ITPRIP: variants seen among roughly 807,000 people sequenced by gnomAD.
ITPRIP encodes inositol 1,4,5-trisphosphate receptor interacting protein.
A neutral mutation model predicts 35.8 loss-of-function variants in ITPRIP; 32 were observed. The ratio of observed to expected loss-of-function variants is 0.89; its 90% confidence interval spans 0.68 to 1.20. ITPRIP has a LOEUF of 1.20. ITPRIP is among the 50% of genes most tolerant of loss of function. The pLI is 0.00. For missense variants in ITPRIP, 653 were observed against 735.6 expected, an observed-to-expected ratio of 0.89 and a Z score of 1.30; for synonymous variants, 358 against 324.0, an observed-to-expected ratio of 1.11 and a Z score of -1.13.
Position 104,310,520 on chromosome 10 carries a change from T to G in ITPRIP, c.*3888A>C, listed in dbSNP as rs1400844736. ...TGCCAACATGTACACCAGGACTGCC[T>G]GGGTTGGAATCTGGGCTGTGCTACT... On this transcript the variant is annotated 3_prime_UTR_variant, in exon 2 of 2. Transcript: ENST00000337478. 1.3e-5 allele frequency: 2 copies of G among 152,144 alleles called. No individual in the cohort carries two copies. The highest frequency in any genetic ancestry group is 2.4e-5 in the African/African-American group (1 of 41,398). 9.4% of individuals were successfully genotyped at this position (152,144 alleles called of 1,614,324 possible).
In ITPRIP at chr10:104,314,791, G is replaced by A. The variant is rs199982388; in HGVS notation, c.1261C>T (p.Arg421Cys). Reference protein sequence around the residue: ...IASFLLSKQSRLTGPSGLSSY... With the variant: ...IASFLLSKQSCLTGPSGLSSY... ...CTGAGCCCGCTGGGACCGGTCAGGCGGCTCTGCTTGGAGAGCAGGAAGGAT... is the reference window on the plus strand; with the variant it reads ...CTGAGCCCGCTGGGACCGGTCAGGCAGCTCTGCTTGGAGAGCAGGAAGGAT... Residue 421 changes from arginine to cysteine, a missense_variant, in exon 2 of 2, where the codon CGC (arginine) becomes TGC (cysteine). By Grantham distance (180) the Arg-to-Cys change is radical. Coordinates refer to ENST00000337478, the MANE Select transcript of ITPRIP (RefSeq NM_001272013.2). The A allele has an allele frequency of 2.4e-5, 39 of 1,613,910 alleles. No homozygotes were observed. The highest frequency in any genetic ancestry group is 4.5e-5 in the East Asian group (2 of 44,872).
At position 104,314,366 on chromosome 10, in the gene ITPRIP, G is replaced by T; in HGVS notation, c.*42C>A. 6.4e-7 allele frequency: 1 copy of T among 1,567,706 alleles called. No individual in the cohort carries two copies. Among genetic ancestry groups the T allele is most frequent in the African/African-American group, 1.4e-5 (1 of 74,034 alleles). On this transcript the variant is annotated 3_prime_UTR_variant, in exon 2 of 2. Coordinates refer to ENST00000337478, the MANE Select transcript of ITPRIP (RefSeq NM_001272013.2). ...CACCAGGGGTGTGAACGTGAGGGAT[G>T]CCCTCATCTTAGCTCGAGGATCCCA...
intron 1 of ITPRIP, among the ~76,000 whole-genome samples, chr10:104,324,208 C>T (rs2013929414): frequency 6.6e-6 from 1 of 152,212 alleles, no homozygotes; most frequent in Non-Finnish European, 1.5e-5. Flanking sequence ...TCCCATCCTT[C>T]CAGGACAGTG....
At position 104,316,054 on chromosome 10, in the gene ITPRIP, T is replaced by C. The variant is rs375997154; in HGVS notation, c.-3A>G. On this transcript the variant is annotated 5_prime_UTR_variant, in exon 2 of 2. Coordinates refer to ENST00000337478, the MANE Select transcript of ITPRIP (RefSeq NM_001272013.2). ...ACGCGGAAGAGCCCCATGGCCATGGTTGGAGCTTTCCTGGGAACAGAGAGA... is the reference window on the plus strand; with the variant it reads ...ACGCGGAAGAGCCCCATGGCCATGGCTGGAGCTTTCCTGGGAACAGAGAGA... The C allele has an allele frequency of 3.8e-6, 6 of 1,563,068 alleles. No homozygotes were observed. Among genetic ancestry groups the C allele is most frequent in the East Asian group, 4.5e-5 (2 of 44,560 alleles).
rs1413564038 is a variant in ITPRIP, at chr10:104,315,297, G to A, written c.755C>T (p.Thr252Ile). 2 of 1,593,768 alleles carry A rather than the reference G, an allele frequency of 1.3e-6. No homozygotes were observed. The highest frequency in any genetic ancestry group is 1.7e-6 in the Non-Finnish European group (2 of 1,167,722). ...GGTCTTGCCGCAGATGCAGCTCAAT[G>A]TGTCCCCATCGGCGCGGACCACCTT... ...QIKVVRADGD[T>I]LSCICGKTKL... The change falls in exon 2 of 2, where the codon ACA becomes ATA. Residue 252 changes from threonine to isoleucine, a missense_variant. Thr to Ile is a moderately conservative substitution (Grantham distance 89). Transcript: ENST00000337478. This position sits in a 1 kb window ranked among gnomAD's most constrained non-coding sequence, Gnocchi z 5.7.
In ITPRIP at chr10:104,310,260, T is replaced by A. The variant is rs1256507916; in HGVS notation, c.*4148A>T. On this transcript the variant is annotated 3_prime_UTR_variant, in exon 2 of 2. Coordinates refer to ENST00000337478, the MANE Select transcript of ITPRIP (RefSeq NM_001272013.2). ...AACCACTGCCAGCTGCCACCAACCC[T>A]GCTCGGGAAGCCGGCCATGTACCCT... 1 of 152,346 alleles carries A rather than the reference T, an allele frequency of 6.6e-6. No individual in the cohort carries two copies. The highest frequency in any genetic ancestry group is 6.5e-5 in the Admixed American group (1 of 15,270). 9.4% of individuals were successfully genotyped at this position (152,346 alleles called of 1,614,324 possible).
chr10:104,325,184 C>T (rs552342609), intron 1 of ITPRIP, among the ~76,000 whole-genome samples: 1 of 152,302 alleles, frequency 6.6e-6, no homozygotes, highest in South Asian at 2.1e-4. Flanking sequence ...GGCGCCACTG[C>T]ACTCCAACTT....
In ITPRIP at chr10:104,312,968, G is replaced by C. The variant is rs1483423413; in HGVS notation, c.*1440C>G. 4.2e-5 allele frequency: 41 copies of C among 985,374 alleles called. 1 individual carries two copies. The highest frequency in any genetic ancestry group is 4.8e-5 in the Non-Finnish European group (40 of 829,978). The allele number at this position is 985,374 out of a possible 1,614,324, so 61.0% of individuals were successfully genotyped here. On this transcript the variant is annotated 3_prime_UTR_variant, in exon 2 of 2. Coordinates refer to ENST00000337478, the MANE Select transcript of ITPRIP (RefSeq NM_001272013.2). ...GGCCAGTGAAGCCACAGGTGGAAAA[G>C]AGCCTTCCTGATCCCCCTGAACCAG...
chr10:104,325,993 C>T (rs756827699), intron 1 of ITPRIP, among the ~76,000 whole-genome samples: 2 of 152,188 alleles, frequency 1.3e-5, no homozygotes, highest in Non-Finnish European at 2.9e-5. Context: ...GGTGGCCCTA[C>T]CACCGAGCCG....
At chr10:104,322,838 G>C (rs1208952621) in intron 1 of ITPRIP, among the ~76,000 whole-genome samples, 1 of 152,188 alleles carries the variant, frequency 6.6e-6, no homozygotes, top group East Asian at 1.9e-4. Context: ...GAGGCCTTGG[G>C]GGTGACTTGG....
chr10:104,331,974 G>A (rs532170384), intron 1 of ITPRIP, among the ~76,000 whole-genome samples: 3 of 152,326 alleles, frequency 2.0e-5, no homozygotes, highest in South Asian at 2.1e-4. Flanking sequence ...TATGCCATCT[G>A]TATGTGTTCT....
rs1297902963 is a variant in ITPRIP at position 104,314,872 on chromosome 10, T to C, written c.1180A>G (p.Thr394Ala). The C allele has an allele frequency of 6.2e-7, 1 of 1,613,676 alleles. No individual in the cohort carries two copies. Among genetic ancestry groups the C allele is most frequent in the Non-Finnish European group, 8.5e-7 (1 of 1,179,998 alleles). ...CCCTCGGGCAGTGCCTTTAGTGTCGTCCTGAGGAAGTGTCGCTCATAGACA... is the reference window on the plus strand; with the variant it reads ...CCCTCGGGCAGTGCCTTTAGTGTCGCCCTGAGGAAGTGTCGCTCATAGACA... ...FAVYERHFLR[T>A]TLKALPEGAC... The change falls in exon 2 of 2, where the codon ACG becomes GCG. Residue 394 changes from threonine to alanine, a missense_variant. Coordinates refer to ENST00000337478, the MANE Select transcript of ITPRIP (RefSeq NM_001272013.2).
At chr10:104,317,435 G>A (rs1002895782) in intron 1 of ITPRIP, among the ~76,000 whole-genome samples, 9 of 152,064 alleles carry the variant, frequency 5.9e-5, no homozygotes, top group African/African-American at 4.8e-5. Context: ...TTACTGAATC[G>A]GAATCCACAT....
chr10:104,337,255 G>A (rs559320986), intron 1 of ITPRIP, among the ~76,000 whole-genome samples: 1 of 152,118 alleles, frequency 6.6e-6, no homozygotes, highest in African/African-American at 2.4e-5. Context: ...AAGAGCACTG[G>A]GTCATATCCA....
At chr10:104,320,355 T>C (rs1296335329) in intron 1 of ITPRIP, among the ~76,000 whole-genome samples, 1 of 152,166 alleles carries the variant, frequency 6.6e-6, no homozygotes, top group Non-Finnish European at 1.5e-5. Context: ...TAGACACTCC[T>C]TTCTACTGAT....
chr10:104,324,202 A>C (rs563163488), intron 1 of ITPRIP, among the ~76,000 whole-genome samples: 1 of 152,290 alleles, frequency 6.6e-6, no homozygotes, highest in South Asian at 2.1e-4. Context: ...ATTGGCTCCC[A>C]TCCTTCCAGG....
intron 1 of ITPRIP, among the ~76,000 whole-genome samples, chr10:104,330,714 A>C (rs1215169814): frequency 6.6e-6 from 1 of 152,252 alleles, no homozygotes; most frequent in African/African-American, 2.4e-5. Flanking sequence ...ATTGAGGCTT[A>C]AGCATTGCAC....
At position 104,321,187 on chromosome 10, in the gene ITPRIP, C is replaced by T. The variant is rs75648352; in HGVS notation, c.-13-5123G>A. Among the ~76,000 whole-genome samples the T allele has an allele frequency of 3.0e-4, 45 of 152,312 alleles. No homozygotes were observed. In the East Asian group the frequency reaches 8.1e-3, roughly 27 times the overall value. On this transcript the variant is annotated intron_variant, in intron 1 of 1. Coordinates refer to ENST00000337478, the MANE Select transcript of ITPRIP (RefSeq NM_001272013.2). ...AAAGTTCTCACCTCTACCAGGCTCTCCCGCACCTGTGGTCTGAGACATCAG... is the reference window on the plus strand; with the variant it reads ...AAAGTTCTCACCTCTACCAGGCTCTTCCGCACCTGTGGTCTGAGACATCAG...
intron 1 of ITPRIP, among the ~76,000 whole-genome samples, chr10:104,334,863 G>A (rs915190212): frequency 4.6e-5 from 7 of 152,210 alleles, no homozygotes; most frequent in East Asian, 1.9e-4. Context: ...TGTCTAGGAC[G>A]CAGGGAAGAG....
Sources: allele counts gnomAD v4.1 joint callset (sites outside exome capture counted in the v4.1 genomes callset), GRCh38; gene constraint gnomAD v4.1.1; non-coding constraint Gnocchi (gnomAD v3.1); transcripts MANE v1.5; gene names NCBI Gene and HGNC (gene_info 2026-07-23, HGNC 2026-07-21).